Variants in NELL1 observed in about 807,000 individuals in gnomAD.
NELL1 encodes protein kinase C-binding protein NELL1.
In NELL1, 76 loss-of-function variants were observed where a neutral mutation model predicts 107.4. The observed-to-expected ratio is 0.71, with a 90% confidence interval of 0.59 to 0.86. The LOEUF (loss-of-function observed/expected upper bound fraction) is 0.86. Ranked by LOEUF, NELL1 falls within the 40% of genes least tolerant of loss-of-function variation. The probability of loss-of-function intolerance (pLI) is 0.00; values close to 1 mark genes in which losing one functional copy is unlikely to be tolerated. For synonymous variants in NELL1, 353 were observed against 341.2 expected, an observed-to-expected ratio of 1.03 and a Z score of -0.38; for missense variants, 1,024 against 1,005.5, an observed-to-expected ratio of 1.02 and a Z score of -0.25.
intron 3 of NELL1, among the ~76,000 whole-genome samples, chr11:20,820,833 C>T (rs1311764671): frequency 2.6e-5 from 4 of 152,206 alleles, no homozygotes; most frequent in African/African-American, 9.6e-5. Context: ...AGCGTAGCCC[C>T]TTCTCTGCCC....
In NELL1 at chr11:21,442,942, CTTTTTTTTTTTTTTT is replaced by C. The variant is rs66501874; in HGVS notation, c.1645+72004_1645+72018del. Among the ~76,000 whole-genome samples, 9 of 57,570 alleles carry C rather than the reference CTTTTTTTTTTTTTTT, an allele frequency of 1.6e-4. No individual in the cohort carries two copies. The Admixed American group carries it at 2.0e-3, about 13-fold the overall frequency. 37.8% of individuals were successfully genotyped at this position (57,570 alleles called of 152,430 possible). On this transcript the variant is annotated intron_variant, in intron 15 of 19. Transcript: ENST00000357134. The stretch of plus-strand genomic sequence containing the variant: ...TAAATGGAAATGTTTGCTATCTTTC[CTTTTTTTTTTTTTTT>C]TTTTTTTTTGCATTCATTCTACATT...
At chr11:21,197,109 C>T (rs971652767) in intron 13 of NELL1, among the ~76,000 whole-genome samples, 3 of 151,624 alleles carry the variant, frequency 2.0e-5, no homozygotes, top group African/African-American at 7.3e-5. Flanking sequence ...AAACTCCTGA[C>T]CTTGTGATCC....
At chr11:21,086,334 G>A (rs1020618059) in intron 12 of NELL1, among the ~76,000 whole-genome samples, 1 of 151,838 alleles carries the variant, frequency 6.6e-6, no homozygotes, top group Admixed American at 6.6e-5. Flanking sequence ...TTTACTTTCT[G>A]TTTGGGCACA....
chr11:21,477,848 TATA>T (rs1159668459), intron 15 of NELL1, among the ~76,000 whole-genome samples: 1 of 148,424 alleles, frequency 6.7e-6, no homozygotes, highest in African/African-American at 2.5e-5. Context: ...AAATAAAAAT[TATA>T]ATAAAGTTAT....
intron 12 of NELL1, among the ~76,000 whole-genome samples, chr11:21,003,772 C>T (rs1258973335): frequency 6.6e-6 from 1 of 151,866 alleles, no homozygotes; most frequent in Non-Finnish European, 1.5e-5. Flanking sequence ...GCTAGATTAC[C>T]TTTTTTTAAT....
intron 2 of NELL1, among the ~76,000 whole-genome samples, chr11:20,701,570 T>G (rs200517647): frequency 1.6e-3 from 241 of 151,742 alleles, no homozygotes; most frequent in African/African-American, 5.3e-3. Flanking sequence ...GTTTTAGACA[T>G]GAAGTCCTTG....
At chr11:21,550,021 T>G (rs978068584) in intron 16 of NELL1, among the ~76,000 whole-genome samples, 3 of 151,802 alleles carry the variant, frequency 2.0e-5, no homozygotes, top group Non-Finnish European at 4.4e-5. Flanking sequence ...CTGAATTTGT[T>G]AAGTGGCACT....
intron 2 of NELL1, among the ~76,000 whole-genome samples, chr11:20,735,312 A>G (rs769658024): frequency 5.9e-5 from 9 of 152,172 alleles, no homozygotes; most frequent in Non-Finnish European, 8.8e-5. Context: ...TTTATAAAGG[A>G]AAGAGGTTTA....
intron 12 of NELL1, among the ~76,000 whole-genome samples, chr11:21,054,062 T>C (rs181473253): frequency 3.9e-5 from 6 of 152,180 alleles, no homozygotes; most frequent in African/African-American, 9.6e-5. Context: ...AGTTGGAATG[T>C]AGAAAAATCT....
chr11:20,704,436 G>A (rs1168208808), intron 2 of NELL1, among the ~76,000 whole-genome samples: 2 of 152,166 alleles, frequency 1.3e-5, no homozygotes. Flanking sequence ...ACAGCACACT[G>A]ATGGGTCTTG....
At chr11:20,673,876 A>G (rs1263536339) in intron 1 of NELL1, among the ~76,000 whole-genome samples, 1 of 151,946 alleles carries the variant, frequency 6.6e-6, no homozygotes, top group Non-Finnish European at 1.5e-5. Context: ...CTCACACTAC[A>G]TAAGGTTCAA....
chr11:20,951,648 G>A (rs1851070546), intron 11 of NELL1, among the ~76,000 whole-genome samples: 2 of 152,072 alleles, frequency 1.3e-5, no homozygotes, highest in African/African-American at 4.8e-5. Context: ...GGAGCAGCTG[G>A]GACACCCATA....
intron 2 of NELL1, among the ~76,000 whole-genome samples, chr11:20,711,271 T>C (rs533869009): frequency 6.6e-6 from 1 of 152,276 alleles, no homozygotes; most frequent in South Asian, 2.1e-4. Context: ...TTAGTGTGAG[T>C]CCTTAGGTGT....
At chr11:20,836,283 A>G (rs1388481911) in intron 3 of NELL1, among the ~76,000 whole-genome samples, 2 of 151,948 alleles carry the variant, frequency 1.3e-5, no homozygotes, top group African/African-American at 4.8e-5. Flanking sequence ...AAAAAAAAAA[A>G]AAACCCCAAC....
chr11:21,111,693 A>G (rs1368213898), intron 12 of NELL1, among the ~76,000 whole-genome samples: 1 of 152,066 alleles, frequency 6.6e-6, no homozygotes, highest in Non-Finnish European at 1.5e-5. Flanking sequence ...TCCACTTAGA[A>G]GTGATATGCT....
intron 3 of NELL1, among the ~76,000 whole-genome samples, chr11:20,835,663 A>G (rs537621566): frequency 5.9e-5 from 9 of 152,328 alleles, no homozygotes; most frequent in African/African-American, 1.9e-4. Flanking sequence ...ATAGCATAAG[A>G]AACCTTTGGA....
chr11:20,891,199 GC>G (rs1435191931), intron 5 of NELL1, among the ~76,000 whole-genome samples: 1 of 152,168 alleles, frequency 6.6e-6, no homozygotes. Flanking sequence ...GAGATTGGGG[GC>G]CAATATTCAA....
chr11:20,779,308 T>A (rs906036546), intron 2 of NELL1, among the ~76,000 whole-genome samples: 4 of 152,240 alleles, frequency 2.6e-5, no homozygotes, highest in African/African-American at 4.8e-5. Flanking sequence ...CATCCCATTG[T>A]ACTTGTAAGT....
At chr11:21,490,570 C>A (rs1274323975) in intron 15 of NELL1, among the ~76,000 whole-genome samples, 1 of 150,886 alleles carries the variant, frequency 6.6e-6, no homozygotes, top group South Asian at 2.1e-4. Context: ...CTATAGTAAC[C>A]AAAACAGCAT....
Sources: gnomAD v4.1 joint callset for allele counts (sites outside exome capture counted in the v4.1 genomes callset) on GRCh38, gnomAD v4.1.1 for gene constraint, MANE v1.5 for transcripts, NCBI Gene and HGNC (gene_info 2026-07-23, HGNC 2026-07-21) for gene names.